The following ABCA13 variants were observed in gnomAD, a reference collection of about 807,000 sequenced individuals.
ABCA13 encodes the protein ATP binding cassette subfamily A member 13.
ABCA13 carries 476 observed loss-of-function variants against 478.7 expected under a neutral mutation model. That is an observed-to-expected ratio of 0.99 (90% CI 0.92 to 1.07). The LOEUF is 1.07. Among genes scored for constraint, ABCA13 ranks in the 50% least tolerant of loss-of-function variants. The pLI, the probability that ABCA13 is intolerant of heterozygous loss-of-function variation, is 0.00. For missense variants in ABCA13, 6,060 were observed against 5,910.6 expected, an observed-to-expected ratio of 1.03 and a Z score of -0.83; for synonymous variants, 2,252 against 2,158.9, an observed-to-expected ratio of 1.04 and a Z score of -1.20.
At chr7:48,516,909 C>T (rs1338951809) in intron 52 of ABCA13, 28 bp downstream of exon 52, 11 of 1,602,620 alleles carry the variant, frequency 6.9e-6, no homozygotes, top group Non-Finnish European at 9.4e-6. Context: ...ATCACCTCTA[C>T]ACTTCTGCAC....
At chr7:48,249,158 A>T (rs1012871538) in intron 14 of ABCA13, 54 bp from the exon 15 acceptor site, 1 of 1,509,894 alleles carries the variant, frequency 6.6e-7, no homozygotes, top group African/African-American at 1.4e-5. Context: ...ATGATCTGTC[A>T]TCTGCAAGAT....
chr7:48,309,001 A>G (rs1399507548), intron 23 of ABCA13, among the ~76,000 whole-genome samples: 1 of 138,964 alleles, frequency 7.2e-6, no homozygotes, highest in African/African-American at 2.8e-5. Flanking sequence ...GCATTTCCCA[A>G]ATGTATCCTT....
At chr7:48,458,349 G>A (rs1825892810) in intron 43 of ABCA13, among the ~76,000 whole-genome samples, 1 of 152,086 alleles carries the variant, frequency 6.6e-6, no homozygotes, top group African/African-American at 2.4e-5. Flanking sequence ...TCCAAATGTG[G>A]GACAACCCCA....
intron 49 of ABCA13, among the ~76,000 whole-genome samples, chr7:48,506,964 TG>T (rs1325824283): frequency 1.3e-5 from 2 of 152,242 alleles, no homozygotes; most frequent in African/African-American, 4.8e-5. Flanking sequence ...ATAATAAAAG[TG>T]GGTATTTTTG....
intron 55 of ABCA13, among the ~76,000 whole-genome samples, chr7:48,536,122 G>A (rs1023092282): frequency 3.3e-5 from 5 of 152,190 alleles, no homozygotes; most frequent in Admixed American, 3.3e-4. Flanking sequence ...AGCAGGAGCT[G>A]CAGGCTAGTC....
At chr7:48,598,627 T>C (rs1357365541) in intron 58 of ABCA13, among the ~76,000 whole-genome samples, 2 of 152,204 alleles carry the variant, frequency 1.3e-5, no homozygotes, top group African/African-American at 4.8e-5. Context: ...GTATTTCCAG[T>C]CTATGGCTGT....
chr7:48,522,744 C>G (rs1399781755), intron 53 of ABCA13, among the ~76,000 whole-genome samples: 2 of 152,174 alleles, frequency 1.3e-5, no homozygotes, highest in Non-Finnish European at 2.9e-5. Flanking sequence ...ATGTGCACAC[C>G]TGGGCCCCTC....
chr7:48,476,433 G>T (rs1231098605), intron 45 of ABCA13, among the ~76,000 whole-genome samples: 1 of 152,092 alleles, frequency 6.6e-6, no homozygotes, highest in Non-Finnish European at 1.5e-5. Context: ...AAGGGGAAGA[G>T]CAGAAAGCAA....
chr7:48,594,751 C>T lies in ABCA13; in HGVS notation c.14682C>T (p.Tyr4894=). 2 of 1,613,942 alleles carry T rather than the reference C, an allele frequency of 1.2e-6. No individual in the cohort carries two copies. The highest frequency in any genetic ancestry group is 1.7e-5 in the Admixed American group (1 of 60,022). The change falls in exon 58 of 62, where the codon TAC becomes TAT. Residue 4894 remains tyrosine (Y), a synonymous_variant. Coordinates refer to ENST00000435803, the MANE Select transcript of ABCA13 (RefSeq NM_152701.5). ...SSGMDPCSKR[Y]LWQTIMKEVR... Reference sequence around the variant, plus strand: ...GGATGGATCCCTGCTCTAAGCGGTACCTGTGGCAAACAATAATGAAGGAGG... The same window carrying T: ...GGATGGATCCCTGCTCTAAGCGGTATCTGTGGCAAACAATAATGAAGGAGG...
chr7:48,359,391 C>T (rs1262288925), intron 31 of ABCA13, among the ~76,000 whole-genome samples: 2 of 151,970 alleles, frequency 1.3e-5, no homozygotes, highest in Non-Finnish European at 1.5e-5. Context: ...TCACAAATCA[C>T]GTCAGACTTC....
intron 1 of ABCA13, among the ~76,000 whole-genome samples, chr7:48,183,766 A>G (rs1796011110): frequency 6.6e-6 from 1 of 152,132 alleles, no homozygotes; most frequent in Admixed American, 6.5e-5. Flanking sequence ...ACTTATTTTT[A>G]TTGCCTTAGT....
chr7:48,515,388 T>G (rs1425919785), intron 51 of ABCA13, among the ~76,000 whole-genome samples: 1 of 152,144 alleles, frequency 6.6e-6, no homozygotes, highest in African/African-American at 2.4e-5. Context: ...ATGAGGGAAG[T>G]TGCCATGAGT....
intron 48 of ABCA13, among the ~76,000 whole-genome samples, chr7:48,504,647 C>G (rs191267083): frequency 6.6e-6 from 1 of 152,292 alleles, no homozygotes; most frequent in Admixed American, 6.5e-5. Flanking sequence ...TCTGGATCCT[C>G]TTAATCCAGA....
intron 55 of ABCA13, among the ~76,000 whole-genome samples, chr7:48,571,505 T>A (rs895391374): frequency 1.3e-5 from 2 of 151,960 alleles, no homozygotes; most frequent in Non-Finnish European, 2.9e-5. Context: ...TCTTTTAACC[T>A]TTTGACACTT....
Position 48,271,997 on chromosome 7 carries a change from T to A in ABCA13, c.2331T>A (p.His777Gln). The A allele has an allele frequency of 6.2e-7, 1 of 1,613,630 alleles. No individual in the cohort carries two copies. Among genetic ancestry groups the A allele is most frequent in the South Asian group, 1.1e-5 (1 of 91,050 alleles). ...ILNISSLWTN[H>Q]LKSLKRDPSA... The stretch of plus-strand genomic sequence containing the variant: ...ATATAAGTTCTCTGTGGACAAATCA[T>A]TTAAAAAGTTTAAAGAGAGACCCAT... The change falls in exon 17 of 62, where the codon CAT (histidine) becomes CAA (glutamine). Residue 777 changes from histidine (H) to glutamine (Q), a missense_variant. His to Gln is a conservative substitution (Grantham distance 24, BLOSUM62 0). Transcript: ENST00000435803.
intron 19 of ABCA13, among the ~76,000 whole-genome samples, chr7:48,286,475 A>C (rs535508990): frequency 6.9e-6 from 1 of 144,070 alleles, no homozygotes; most frequent in East Asian, 2.1e-4. Flanking sequence ...AATATGCTGG[A>C]ACTGTTTTTT....
At chr7:48,335,830 C>T (rs896928398) in intron 28 of ABCA13, among the ~76,000 whole-genome samples, 4 of 152,018 alleles carry the variant, frequency 2.6e-5, no homozygotes, top group African/African-American at 7.3e-5. Flanking sequence ...TTTTGAATTG[C>T]AGGTCTATTC....
intron 36 of ABCA13, among the ~76,000 whole-genome samples, chr7:48,388,652 C>A (rs190972648): frequency 3.3e-5 from 5 of 152,342 alleles, no homozygotes; most frequent in African/African-American, 1.2e-4. Flanking sequence ...AATTATGAAT[C>A]TTTTAGAAAA....
intron 48 of ABCA13, among the ~76,000 whole-genome samples, chr7:48,501,700 T>A (rs1366995030): frequency 2.0e-5 from 3 of 152,196 alleles, no homozygotes; most frequent in Non-Finnish European, 4.4e-5. Context: ...AAAGGCAGGA[T>A]GGCTGCCATC....
Sources: allele counts gnomAD v4.1 joint callset (sites outside exome capture counted in the v4.1 genomes callset), GRCh38; gene constraint gnomAD v4.1.1; transcripts MANE v1.5; gene names NCBI Gene and HGNC (gene_info 2026-07-23, HGNC 2026-07-21).